PRICKLE2: variants seen among roughly 807,000 people sequenced by gnomAD.
PRICKLE2 encodes prickle-like protein 2.
A neutral mutation model predicts 81.4 loss-of-function variants in PRICKLE2; 21 were observed. The observed-to-expected ratio is 0.26, with a 90% confidence interval of 0.18 to 0.37. The LOEUF (loss-of-function observed/expected upper bound fraction) is 0.37. Ranked by LOEUF, PRICKLE2 falls within the 10% of genes least tolerant of loss-of-function variation. The pLI is 1.00. For synonymous variants in PRICKLE2, 456 were observed against 421.5 expected (o/e 1.08, Z -1.00); for missense variants, 940 against 1,109.0 (o/e 0.85, Z 2.16).
chr3:64,260,991 C>A (rs898155195), intron 2 of PRICKLE2, among the ~76,000 whole-genome samples: 1 of 152,156 alleles, frequency 6.6e-6, no homozygotes, highest in Non-Finnish European at 1.5e-5. Context: ...AGTTCAGAAG[C>A]TTGGGGTCTT....
At chr3:64,200,616 C>T (rs1384302273) in intron 1 of PRICKLE2, 1 of 151,658 alleles carries the variant, frequency 6.6e-6, no homozygotes, top group East Asian at 1.9e-4. Context: ...GCCACCACGC[C>T]TGGCTTTTTT....
At chr3:64,261,416 C>CATTTA (rs1473105515) in intron 2 of PRICKLE2, among the ~76,000 whole-genome samples, 1 of 152,066 alleles carries the variant, frequency 6.6e-6, no homozygotes, top group Non-Finnish European at 1.5e-5. Flanking sequence ...TTAAATGATG[C>CATTTA]AATCCTTGCC....
chr3:64,147,226 A>G lies in PRICKLE2; in HGVS notation c.1264T>C (p.Cys422Arg). ...TQSPLQLLSQ[C>R]NIRTSYSPGG... ...GGACTGTAGGAAGTTCTGATGTTGC[A>G]CTGGCTGAGGAGCTGCAGAGGGCTC... Residue 422 changes from cysteine to arginine, a missense_variant, in exon 7 of 8, where the codon TGC becomes CGC. Around this residue, in one of 2 missense-constraint regions of PRICKLE2, gnomAD observed 670 missense variants for 717.2 expected, o/e 0.93. Transcript: ENST00000638394. The surrounding 1 kb of genome is among the most constrained non-coding windows in gnomAD (Gnocchi z 5.0). 6.2e-7 allele frequency: 1 copy of G among 1,609,822 alleles called. No individual in the cohort carries two copies. The highest frequency in any genetic ancestry group is 8.5e-7 in the Non-Finnish European group (1 of 1,177,472).
At chr3:64,172,188 G>A (rs2077943955) in intron 2 of PRICKLE2, among the ~76,000 whole-genome samples, 1 of 152,204 alleles carries the variant, frequency 6.6e-6, no homozygotes, top group Non-Finnish European at 1.5e-5. Flanking sequence ...AGAAATGGAA[G>A]AACTTGGGGT....
At chr3:64,248,105 T>G (rs1336030000) in intron 2 of PRICKLE2, among the ~76,000 whole-genome samples, 1 of 152,166 alleles carries the variant, frequency 6.6e-6, no homozygotes, top group Non-Finnish European at 1.5e-5. Context: ...CATTTCAGTT[T>G]TAAAAAGGCA....
At chr3:64,143,850 C>T (rs928402492) in intron 7 of PRICKLE2, among the ~76,000 whole-genome samples, 6 of 152,126 alleles carry the variant, frequency 3.9e-5, no homozygotes, top group African/African-American at 9.7e-5. Flanking sequence ...ATAAATCTTT[C>T]GAGAATAACA....
chr3:64,157,019 G>A, intron 5 of PRICKLE2, 143 bp downstream of exon 5: 1 of 773,124 alleles, frequency 1.3e-6, no homozygotes, highest in South Asian at 1.5e-5. Context: ...AGGGATGGGT[G>A]GGGCTTCTCT....
rs1278623352 is a variant in PRICKLE2 at position 64,225,456 on chromosome 3, G to A, written c.-587C>T. The A allele has an allele frequency of 2.0e-6, 2 of 984,974 alleles. No homozygotes were observed. Among genetic ancestry groups the A allele is most frequent in the Admixed American group, 6.2e-5 (1 of 16,226 alleles). 61.0% of individuals were successfully genotyped at this position (984,974 alleles called of 1,614,324 possible). On this transcript the variant is annotated 5_prime_UTR_variant, in exon 1 of 8. Coordinates refer to ENST00000638394, the MANE Select transcript of PRICKLE2 (RefSeq NM_198859.4). ...CGCTGCTGGTGGTGCCTGAGAAGTCGCTGTTGCAGTGCTTGCATCCTCCGC... is the reference window on the plus strand; with the variant it reads ...CGCTGCTGGTGGTGCCTGAGAAGTCACTGTTGCAGTGCTTGCATCCTCCGC...
At chr3:64,161,545 T>C (rs2077733760) in intron 3 of PRICKLE2, among the ~76,000 whole-genome samples, 1 of 152,098 alleles carries the variant, frequency 6.6e-6, no homozygotes. Flanking sequence ...AAAAGAGCCA[T>C]TTCAAATAGG....
At chr3:64,191,120 C>T (rs2078325342) in intron 2 of PRICKLE2, among the ~76,000 whole-genome samples, 1 of 152,280 alleles carries the variant, frequency 6.6e-6, no homozygotes. Context: ...GAAAGGTTCC[C>T]ATATTGGCAG....
chr3:64,147,008 G>A lies in PRICKLE2; in HGVS notation c.1482C>T (p.Thr494=). Residue 494 remains threonine (T), a synonymous_variant, in exon 7 of 8, where the codon ACC becomes ACT. Transcript: ENST00000638394. The surrounding 1 kb of genome is among the most constrained non-coding windows in gnomAD (Gnocchi z 5.0). ...ATTTGGGGACTTGGATGCTGCCTCG[G>A]GTCTCACTGAAACTCTGACTAGACA... ...SDMSSQSFSE[T]RGSIQVPKYE... 4.3e-6 allele frequency: 7 copies of A among 1,613,980 alleles called. No individual in the cohort carries two copies. The highest frequency in any genetic ancestry group is 2.5e-6 in the Non-Finnish European group (3 of 1,179,992).
At chr3:64,217,893 T>C (rs1289270358) in intron 1 of PRICKLE2, among the ~76,000 whole-genome samples, 1 of 152,160 alleles carries the variant, frequency 6.6e-6, no homozygotes, top group Non-Finnish European at 1.5e-5. Flanking sequence ...AGGTGACAAA[T>C]ATCAAACTCA....
At position 64,160,061 on chromosome 3, in the gene PRICKLE2, G is replaced by C; in HGVS notation, c.275C>G (p.Ser92Cys). 2 of 1,614,100 alleles carry C rather than the reference G, an allele frequency of 1.2e-6. No homozygotes were observed. The highest frequency in any genetic ancestry group is 1.7e-6 in the Non-Finnish European group (2 of 1,180,010). Residue 92 changes from serine (S) to cysteine (C), a missense_variant, in exon 4 of 8, where the codon TCC (serine) becomes TGC (cysteine). Physicochemically the swap from Ser to Cys is moderately radical, Grantham distance 112 (BLOSUM62 -1). Coordinates refer to ENST00000638394, the MANE Select transcript of PRICKLE2 (RefSeq NM_198859.4). ...PHDNEVRYCNSLDEEEKRELK... is the reference protein window; with the variant it reads ...PHDNEVRYCNCLDEEEKRELK... ...CTCCCTCTTCTCTTCCTCATCCAGG[G>C]AGTTGCAATATCGAACCTGAATAGA...
At chr3:64,248,345 T>G (rs547213843) in intron 2 of PRICKLE2, among the ~76,000 whole-genome samples, 1 of 152,296 alleles carries the variant, frequency 6.6e-6, no homozygotes, top group South Asian at 2.1e-4. Flanking sequence ...GCCAGTCAAC[T>G]CAAAGGGAAA....
intron 7 of PRICKLE2, among the ~76,000 whole-genome samples, chr3:64,129,121 C>T (rs78263660): frequency 0.05 from 7,567 of 152,016 alleles, 211 homozygotes; most frequent in African/African-American, 0.071. Context: ...GGGATCAGGG[C>T]GTAAAATCAT....
intron 1 of PRICKLE2, among the ~76,000 whole-genome samples, chr3:64,218,631 C>T (rs146524456): frequency 6.8e-4 from 103 of 152,258 alleles, no homozygotes; most frequent in Middle Eastern, 3.4e-3. Context: ...GTGCCTGGCA[C>T]GCAGTAATCA....
At chr3:64,118,227 C>A (rs1250876306) in intron 7 of PRICKLE2, among the ~76,000 whole-genome samples, 2 of 152,052 alleles carry the variant, frequency 1.3e-5, no homozygotes, top group African/African-American at 2.4e-5. Flanking sequence ...CTGTAAAAAC[C>A]TAAACTATAA....
chr3:64,245,834 T>C (rs150794513), intron 2 of PRICKLE2, among the ~76,000 whole-genome samples: 2 of 152,334 alleles, frequency 1.3e-5, no homozygotes, highest in East Asian at 3.9e-4. Flanking sequence ...GGTGTCTGAA[T>C]AACCATGTGT....
At position 64,165,716 on chromosome 3, in the gene PRICKLE2, C is replaced by T. The variant is rs564945807; in HGVS notation, c.145-2587G>A. 3.3e-4 allele frequency among the ~76,000 whole-genome samples: 50 copies of T among 152,246 alleles called. No homozygotes were observed. The South Asian group carries it at 3.9e-3, about 12-fold the overall frequency. On this transcript the variant is annotated intron_variant, in intron 2 of 7. Coordinates refer to ENST00000638394, the MANE Select transcript of PRICKLE2 (RefSeq NM_198859.4). ...GAGAGACAGGGTCTTGCTATGTTGA[C>T]CAAGTTGGTCTTGAACTCCTGGGCT...
Sources: allele counts gnomAD v4.1 joint callset (sites outside exome capture counted in the v4.1 genomes callset), GRCh38; gene constraint gnomAD v4.1.1; regional missense constraint gnomAD v4.1.1; non-coding constraint Gnocchi (gnomAD v3.1); transcripts MANE v1.5; gene names NCBI Gene and HGNC (gene_info 2026-07-23, HGNC 2026-07-21).